Variants in KMT2C observed in about 807,000 individuals in gnomAD.
KMT2C encodes the protein lysine methyltransferase 2C, also known as histone-lysine N-methyltransferase 2C.
Under a neutral mutation model 507.9 loss-of-function variants are expected in KMT2C, and 88 were observed. The ratio of observed to expected loss-of-function variants is 0.17; its 90% confidence interval spans 0.15 to 0.21. KMT2C has a LOEUF of 0.21. Ranked by LOEUF, KMT2C falls within the 10% of genes least tolerant of loss-of-function variation. KMT2C has a pLI of 1.00. For synonymous variants in KMT2C, 2,049 were observed against 2,080.8 expected (o/e 0.98, Z 0.42); for missense variants, 4,954 against 5,957.8 (o/e 0.83, Z 5.55).
intron 1 of KMT2C, among the ~76,000 whole-genome samples, chr7:152,422,139 G>A (rs893010298): frequency 6.6e-6 from 1 of 151,946 alleles, no homozygotes; most frequent in Admixed American, 6.6e-5. Flanking sequence ...TCCTCACCAT[G>A]CTGAGGTCAA....
chr7:152,246,712 G>A (rs2095479941), intron 14 of KMT2C, among the ~76,000 whole-genome samples: 1 of 151,926 alleles, frequency 6.6e-6, no homozygotes, highest in African/African-American at 2.4e-5. Flanking sequence ...TTACTAGAAA[G>A]GAGCACAACT....
chr7:152,303,922 A>T (rs561580217), intron 6 of KMT2C, among the ~76,000 whole-genome samples: 1 of 152,306 alleles, frequency 6.6e-6, no homozygotes, highest in South Asian at 2.1e-4. Context: ...CAGGAAGCAG[A>T]AGGTGCAGTA....
Position 152,163,039 on chromosome 7 carries a change from G to A in KMT2C, c.10538C>T (p.Pro3513Leu). Residue 3513 changes from proline (P) to leucine (L), a missense_variant, in exon 43 of 59, where the codon CCT (proline) becomes CTT (leucine). This residue lies in a region of KMT2C where 801 missense variants were observed against 751.2 expected (regional missense o/e 1.07). Coordinates refer to ENST00000262189, the MANE Select transcript of KMT2C (RefSeq NM_170606.3). ...QTNERRQVGPPSFVPDSPSIP... is the reference protein window; with the variant it reads ...QTNERRQVGPLSFVPDSPSIP... ...TGATGGTGAATCAGGAACAAATGAA[G>A]GAGGGCCTACCTGCCTTCGCTCATT... 1 of 1,614,186 alleles carries A rather than the reference G, an allele frequency of 6.2e-7. No individual in the cohort carries two copies. Among genetic ancestry groups the A allele is most frequent in the Non-Finnish European group, 8.5e-7 (1 of 1,180,028 alleles).
In KMT2C at chr7:152,182,356, G is replaced by A. The variant is rs1239127912; in HGVS notation, c.5504C>T (p.Pro1835Leu). 6.2e-7 allele frequency: 1 copy of A among 1,613,682 alleles called. No individual in the cohort carries two copies. The highest frequency in any genetic ancestry group is 8.5e-7 in the Non-Finnish European group (1 of 1,179,786). The change falls in exon 36 of 59, where the codon CCC (proline) becomes CTC (leucine). Residue 1835 changes from proline (P) to leucine (L), a missense_variant. Physicochemically the swap from Pro to Leu is moderately conservative, Grantham distance 98. Around this residue, in one of 29 missense-constraint regions of KMT2C, gnomAD observed 1,689 missense variants for 1,654.3 expected, o/e 1.02. Coordinates refer to ENST00000262189, the MANE Select transcript of KMT2C (RefSeq NM_170606.3). Reference sequence around the variant, plus strand: ...TGAAGATGTAGACGTAGGGGTACTGGGTGGCTGTTTTGTAAACAGTTCTTT... The same window carrying A: ...TGAAGATGTAGACGTAGGGGTACTGAGTGGCTGTTTTGTAAACAGTTCTTT... ...FHKELFTKQP[P>L]STPTSTSSDD...
intron 1 of KMT2C, among the ~76,000 whole-genome samples, chr7:152,417,642 T>C (rs115315851): frequency 0.023 from 3,472 of 152,110 alleles, 137 homozygotes; most frequent in African/African-American, 0.08. Flanking sequence ...AAAATGCTTT[T>C]TTGTTGTTGT....
intron 23 of KMT2C, among the ~76,000 whole-genome samples, chr7:152,210,369 C>A (rs1291564949): frequency 1.3e-5 from 2 of 152,172 alleles, no homozygotes; most frequent in African/African-American, 4.8e-5. Context: ...AATAAAAATA[C>A]TATCTATCCA....
chr7:152,340,984 C>T (rs895957695), intron 2 of KMT2C, among the ~76,000 whole-genome samples: 1 of 152,144 alleles, frequency 6.6e-6, no homozygotes, highest in Non-Finnish European at 1.5e-5. Flanking sequence ...AGTTTTCCTA[C>T]ATAACTTTTA....
chr7:152,251,286 C>A (rs1462408748), intron 11 of KMT2C, among the ~76,000 whole-genome samples: 3 of 151,984 alleles, frequency 2.0e-5, no homozygotes, highest in Non-Finnish European at 4.4e-5. Context: ...ATCTCTAAAA[C>A]AATTTTTTTT....
At position 152,162,143 on chromosome 7, in the gene KMT2C, C is replaced by T. The variant is rs533602841; in HGVS notation, c.11434G>A (p.Glu3812Lys). Residue 3812 changes from glutamate (E) to lysine (K), a missense_variant, in exon 43 of 59, where the codon GAG (glutamate) becomes AAG (lysine). Coordinates refer to ENST00000262189, the MANE Select transcript of KMT2C (RefSeq NM_170606.3). The part of the protein sequence containing the change: ...DDCTKDNKLV[E>K]KQNPAEGLQT... Reference sequence around the variant, plus strand: ...AGTCCTTCAGCTGGGTTCTGCTTCTCAACTAGTTTATTATCCTTTGTACAG... The same window carrying T: ...AGTCCTTCAGCTGGGTTCTGCTTCTTAACTAGTTTATTATCCTTTGTACAG... 2.5e-6 allele frequency: 4 copies of T among 1,575,100 alleles called. No homozygotes were observed. Among genetic ancestry groups the T allele is most frequent in the Non-Finnish European group, 2.6e-6 (3 of 1,163,742 alleles).
chr7:152,245,728 A>T (rs1378723097), intron 14 of KMT2C, among the ~76,000 whole-genome samples: 1 of 152,210 alleles, frequency 6.6e-6, no homozygotes, highest in Non-Finnish European at 1.5e-5. Context: ...ACTATTATAG[A>T]AAATCATTAA....
At chr7:152,207,161 T>C in intron 24 of KMT2C, 139 bp downstream of exon 24, 3 of 832,304 alleles carry the variant, frequency 3.6e-6, no homozygotes, top group Non-Finnish European at 5.3e-6. Context: ...AGTTTAGTTC[T>C]TTAATTTATG....
In KMT2C at chr7:152,347,623, T is replaced by A. The variant is rs142111018; in HGVS notation, c.250+10964A>T. On this transcript the variant is annotated intron_variant, in intron 2 of 58. Coordinates refer to ENST00000262189, the MANE Select transcript of KMT2C (RefSeq NM_170606.3). ...TATTCAGTTATTATTTAATACTACA[T>A]CTTTACATTTGTTTACATTTCTCTC... 8.9e-4 allele frequency among the ~76,000 whole-genome samples: 135 copies of A among 152,340 alleles called. 1 individual carries two copies. In the East Asian group the frequency reaches 0.025, roughly 28 times the overall value.
At position 152,144,483 on chromosome 7, in the gene KMT2C, G is replaced by T. The variant is rs1336921498; in HGVS notation, c.14343+230C>A. Among the ~76,000 whole-genome samples, 2 of 152,236 alleles carry T rather than the reference G, an allele frequency of 1.3e-5. No individual in the cohort carries two copies. Among genetic ancestry groups the T allele is most frequent in the Non-Finnish European group, 2.9e-5 (2 of 68,040 alleles). On this transcript the variant is annotated intron_variant, in intron 55 of 58. Transcript: ENST00000262189. The surrounding 1 kb of genome is among the most constrained non-coding windows in gnomAD (Gnocchi z 4.4). The stretch of plus-strand genomic sequence containing the variant: ...CCAGGAGCTCTCAACAAGATGCAAA[G>T]ATGTGGATTCCACTGGTCTGCTTTC...
At chr7:152,195,841 C>T in intron 28 of KMT2C, 66 bp downstream of exon 28, 1 of 819,472 alleles carries the variant, frequency 1.2e-6, no homozygotes, top group Non-Finnish European at 1.8e-6. Context: ...TAAACTTGTT[C>T]CACACATCAT....
chr7:152,311,891 C>T lies in KMT2C; in HGVS notation c.646G>A (p.Ala216Thr), dbSNP rs531930955. Reference sequence around the variant, plus strand: ...AGTTTACCAGCTTGATCATCTGAAGCTGTCTGGGTGCTTACACTTACACAA... The same window carrying T: ...AGTTTACCAGCTTGATCATCTGAAGTTGTCTGGGTGCTTACACTTACACAA... ...VSCVSVSTQTASDDQAGKLWD... is the reference protein window; with the variant it reads ...VSCVSVSTQTTSDDQAGKLWD... The change falls in exon 5 of 59, where the codon GCT (alanine) becomes ACT (threonine). Residue 216 changes from alanine to threonine, a missense_variant. Ala to Thr is a moderately conservative substitution (Grantham distance 58). Around this residue, in one of 29 missense-constraint regions of KMT2C, gnomAD observed 233 missense variants for 263.6 expected, o/e 0.88. Transcript: ENST00000262189. 42 of 1,611,322 alleles carry T rather than the reference C, an allele frequency of 2.6e-5. No individual in the cohort carries two copies. In the East Asian group the frequency reaches 9.4e-4, roughly 36 times the overall value.
intron 26 of KMT2C, among the ~76,000 whole-genome samples, chr7:152,200,950 A>C (rs2094117545): frequency 6.6e-6 from 1 of 152,142 alleles, no homozygotes; most frequent in Non-Finnish European, 1.5e-5. Flanking sequence ...AAAATTCACA[A>C]AACTAGAATA....
chr7:152,330,787 T>C (rs776643662), intron 2 of KMT2C, 48 bp from the exon 3 acceptor site: 5 of 1,539,980 alleles, frequency 3.2e-6, no homozygotes. Context: ...TTTGTGTTTA[T>C]TTTAATCACT....
At chr7:152,149,479 A>AAC (rs2091430964) in intron 51 of KMT2C, among the ~76,000 whole-genome samples, 1 of 152,182 alleles carries the variant, frequency 6.6e-6, no homozygotes, top group African/African-American at 2.4e-5. Context: ...AAAAAGAAAA[A>AAC]ACACACACAC....
intron 9 of KMT2C, among the ~76,000 whole-genome samples, chr7:152,262,579 C>G (rs1286061808): frequency 6.6e-6 from 1 of 152,188 alleles, no homozygotes; most frequent in Non-Finnish European, 1.5e-5. Flanking sequence ...TGATTCAATA[C>G]ACAAATTGTG....
Sources: allele counts gnomAD v4.1 joint callset (sites outside exome capture counted in the v4.1 genomes callset), GRCh38; gene constraint gnomAD v4.1.1; regional missense constraint gnomAD v4.1.1; non-coding constraint Gnocchi (gnomAD v3.1); transcripts MANE v1.5; gene names NCBI Gene and HGNC (gene_info 2026-07-23, HGNC 2026-07-21).